SLC24A2: variants seen among roughly 807,000 people sequenced by gnomAD.
The protein encoded by SLC24A2 is sodium/potassium/calcium exchanger 2.
In SLC24A2, 36 loss-of-function variants were observed where a neutral mutation model predicts 62.0. The observed-to-expected ratio is 0.58, with a 90% confidence interval of 0.44 to 0.77. SLC24A2 has a LOEUF of 0.77. Ranked by LOEUF, SLC24A2 falls within the 30% of genes least tolerant of loss-of-function variation. The pLI is 0.00. For missense variants in SLC24A2, 846 were observed against 817.9 expected (o/e 1.03, Z -0.42); for synonymous variants, 358 against 294.0 (o/e 1.22, Z -2.23).
In SLC24A2 at chr9:19,511,497, T is replaced by C. The variant is rs1371848065; in HGVS notation, c.*4656A>G. 1 of 152,218 alleles carries C rather than the reference T, an allele frequency of 6.6e-6. No homozygotes were observed. The highest frequency in any genetic ancestry group is 1.5e-5 in the Non-Finnish European group (1 of 68,028). The allele number at this position is 152,218 out of a possible 1,614,324, so 9.4% of individuals were successfully genotyped here. A position where few individuals can be genotyped will look rare whatever the true frequency, so the allele number is the denominator to read the frequency against. ...ATATTTCCACGTGACACTTGTTTTC[T>C]TGGAATCCTAGGAAATTAATATCTC... On this transcript the variant is annotated 3_prime_UTR_variant, in exon 11 of 11. Coordinates refer to ENST00000341998, the MANE Select transcript of SLC24A2 (RefSeq NM_020344.4).
the SLC24A2 span, among the ~76,000 whole-genome samples, chr9:20,196,336 C>A: frequency 6.6e-6 from 1 of 152,180 alleles, no homozygotes; most frequent in East Asian, 1.9e-4. Flanking sequence ...CCCCGCAGCC[C>A]CCAAGGCTGG....
At chr9:19,596,986 G>A (rs1040497805) in intron 5 of SLC24A2, among the ~76,000 whole-genome samples, 1 of 152,158 alleles carries the variant, frequency 6.6e-6, no homozygotes, top group Non-Finnish European at 1.5e-5. Flanking sequence ...TTCTCTGAGT[G>A]TGTTACATAA....
At chr9:20,205,425 G>T in the SLC24A2 span, among the ~76,000 whole-genome samples, 1 of 151,934 alleles carries the variant, frequency 6.6e-6, no homozygotes, top group African/African-American at 2.4e-5. Context: ...GAGGCAGGCG[G>T]ATTACAAGGT....
chr9:20,044,475 G>A, the SLC24A2 span, among the ~76,000 whole-genome samples: 1 of 152,084 alleles, frequency 6.6e-6, no homozygotes, highest in Non-Finnish European at 1.5e-5. Flanking sequence ...ACTTAACATT[G>A]GGAGGCAGGG....
the SLC24A2 span, among the ~76,000 whole-genome samples, chr9:19,966,069 G>A: frequency 2.6e-5 from 4 of 152,160 alleles, no homozygotes; most frequent in Non-Finnish European, 5.9e-5. Context: ...CTCAACAGAT[G>A]CATAATTTAC....
the SLC24A2 span, chr9:19,928,101 G>A: frequency 5.9e-5 from 9 of 152,516 alleles, no homozygotes; most frequent in South Asian, 2.1e-4. Flanking sequence ...TCTCCTAGGG[G>A]TTGGTTACAC....
At chr9:19,670,535 T>A (rs1463087302) in intron 2 of SLC24A2, among the ~76,000 whole-genome samples, 2 of 152,190 alleles carry the variant, frequency 1.3e-5, no homozygotes, top group African/African-American at 4.8e-5. Flanking sequence ...ATTTTATTTA[T>A]TCCTTATGAC....
the SLC24A2 span, among the ~76,000 whole-genome samples, chr9:20,234,727 G>A: frequency 4.1e-4 from 62 of 152,312 alleles, no homozygotes; most frequent in African/African-American, 1.4e-3. Context: ...CTCTCAACTC[G>A]TCAAAGTCAT....
At chr9:20,095,889 G>A in the SLC24A2 span, among the ~76,000 whole-genome samples, 1 of 152,088 alleles carries the variant, frequency 6.6e-6, no homozygotes, top group Non-Finnish European at 1.5e-5. Context: ...AGCAAAAGGG[G>A]AAACCCCTTA....
At chr9:19,918,140 A>ATGTGTATG in the SLC24A2 span, among the ~76,000 whole-genome samples, 2 of 147,942 alleles carry the variant, frequency 1.4e-5, no homozygotes, top group Non-Finnish European at 3.0e-5. Flanking sequence ...AACTGACATT[A>ATGTGTATG]TGTGTGTGTG....
the SLC24A2 span, among the ~76,000 whole-genome samples, chr9:20,130,901 A>T: frequency 6.6e-6 from 1 of 152,096 alleles, no homozygotes; most frequent in Non-Finnish European, 1.5e-5. Flanking sequence ...TTTGGACATC[A>T]CATAGGATAC....
the SLC24A2 span, among the ~76,000 whole-genome samples, chr9:19,870,001 G>A: frequency 6.6e-6 from 1 of 152,210 alleles, no homozygotes; most frequent in Admixed American, 6.5e-5. Context: ...CCTTACTTTA[G>A]AAGGAGATAA....
chr9:19,705,267 G>C (rs1337511546), intron 2 of SLC24A2: 1 of 152,390 alleles, frequency 6.6e-6, no homozygotes, highest in Non-Finnish European at 1.5e-5. Context: ...TTAAAAAGTT[G>C]ACTGATTGGG....
chr9:19,799,492 G>A, the SLC24A2 span, among the ~76,000 whole-genome samples: 1 of 152,142 alleles, frequency 6.6e-6, no homozygotes, highest in Admixed American at 6.5e-5. Context: ...CCTGCACTTA[G>A]CTCATGAAGT....
the SLC24A2 span, among the ~76,000 whole-genome samples, chr9:20,020,460 C>G: frequency 3.9e-5 from 6 of 152,074 alleles, no homozygotes. Context: ...TCTCAGCAAA[C>G]TGACACAAGA....
chr9:20,155,130 GAA>G, the SLC24A2 span, among the ~76,000 whole-genome samples: 1 of 112,550 alleles, frequency 8.9e-6, no homozygotes, highest in Non-Finnish European at 1.9e-5. Context: ...TGCCCAACTG[GAA>G]AAAAAAAAAG....
At chr9:19,962,606 T>C in the SLC24A2 span, among the ~76,000 whole-genome samples, 1 of 152,212 alleles carries the variant, frequency 6.6e-6, no homozygotes, top group East Asian at 1.9e-4. Context: ...TTCCTAAGTA[T>C]TTTATTCTCT....
chr9:19,854,889 G>T, the SLC24A2 span, among the ~76,000 whole-genome samples: 2 of 152,282 alleles, frequency 1.3e-5, 1 homozygote, highest in South Asian at 4.1e-4. Context: ...TGACAGTGGG[G>T]TGTTAAAGTC....
chr9:20,020,264 A>G, the SLC24A2 span, among the ~76,000 whole-genome samples: 1 of 152,224 alleles, frequency 6.6e-6, no homozygotes, highest in African/African-American at 2.4e-5. Context: ...ATAAAGACAC[A>G]TGCACAAATA....
Sources: gnomAD v4.1 joint callset for allele counts (sites outside exome capture counted in the v4.1 genomes callset) on GRCh38, gnomAD v4.1.1 for gene constraint, MANE v1.5 for transcripts, NCBI Gene and HGNC (gene_info 2026-07-23, HGNC 2026-07-21) for gene names.